GNG12: variants seen among roughly 807,000 people sequenced by gnomAD.
GNG12 encodes guanine nucleotide-binding protein G(I)/G(S)/G(O) subunit gamma-12.
For missense variants in GNG12, 69 were observed against 83.8 expected (o/e 0.82, Z 0.69); for synonymous variants, 28 against 29.7 (o/e 0.94, Z 0.19).
intron 2 of GNG12, among the ~76,000 whole-genome samples, chr1:67,717,039 C>CT (rs1394237815): frequency 6.6e-6 from 1 of 152,074 alleles, no homozygotes; most frequent in Non-Finnish European, 1.5e-5. Flanking sequence ...ACCTGGGGCA[C>CT]TTGTTTAAGA....
chr1:67,745,029 T>C (rs1440051578), intron 2 of GNG12, among the ~76,000 whole-genome samples: 2 of 152,186 alleles, frequency 1.3e-5, no homozygotes, highest in Admixed American at 6.5e-5. Flanking sequence ...CGAATAATAA[T>C]TGCACCTATC....
At chr1:67,720,318 T>C (rs1417321662) in intron 2 of GNG12, among the ~76,000 whole-genome samples, 19 of 152,346 alleles carry the variant, frequency 1.2e-4, no homozygotes, top group South Asian at 6.2e-4. Flanking sequence ...TGGGGACCCA[T>C]GAAGGAGTGG....
chr1:67,721,124 T>C (rs975079098), intron 2 of GNG12, among the ~76,000 whole-genome samples: 1 of 152,070 alleles, frequency 6.6e-6, no homozygotes, highest in African/African-American at 2.4e-5. Flanking sequence ...GTGGGAATGA[T>C]CAGGGAAGCA....
At chr1:67,819,981 C>A (rs887323965) in intron 1 of GNG12, among the ~76,000 whole-genome samples, 3 of 152,096 alleles carry the variant, frequency 2.0e-5, no homozygotes, top group East Asian at 1.9e-4. Flanking sequence ...ACAGCACTTA[C>A]CCCTTTCTGA....
intron 2 of GNG12, among the ~76,000 whole-genome samples, chr1:67,730,031 G>C (rs1646409644): frequency 6.6e-6 from 1 of 152,182 alleles, no homozygotes; most frequent in Non-Finnish European, 1.5e-5. Flanking sequence ...CCAGGTATTG[G>C]AATGTTCACA....
intron 1 of GNG12, among the ~76,000 whole-genome samples, chr1:67,820,200 C>A (rs1160567914): frequency 6.6e-6 from 1 of 151,904 alleles, no homozygotes; most frequent in African/African-American, 2.4e-5. Flanking sequence ...ACCAGCCTGA[C>A]CAATATGGTG....
chr1:67,723,122 T>G (rs1179849702), intron 2 of GNG12, among the ~76,000 whole-genome samples: 4 of 152,204 alleles, frequency 2.6e-5, no homozygotes. Context: ...GCAAAAAATT[T>G]TTTAAAAGCT....
At chr1:67,752,379 G>C (rs1038057215) in intron 2 of GNG12, among the ~76,000 whole-genome samples, 2 of 152,192 alleles carry the variant, frequency 1.3e-5, no homozygotes, top group African/African-American at 4.8e-5. Context: ...CAGACATTTT[G>C]AAAGTTTACT....
At chr1:67,722,629 C>T (rs1646362545) in intron 2 of GNG12, among the ~76,000 whole-genome samples, 2 of 152,024 alleles carry the variant, frequency 1.3e-5, no homozygotes, top group South Asian at 4.1e-4. Flanking sequence ...GGGAGAATTT[C>T]AAAACAGTTA....
At chr1:67,811,391 T>C (rs1646924455) in intron 1 of GNG12, among the ~76,000 whole-genome samples, 2 of 152,112 alleles carry the variant, frequency 1.3e-5, no homozygotes, top group South Asian at 2.1e-4. Flanking sequence ...GGTGGCACCA[T>C]TGACAGAATT....
At chr1:67,767,682 AAAT>A (rs1428259119) in intron 2 of GNG12, among the ~76,000 whole-genome samples, 1 of 152,220 alleles carries the variant, frequency 6.6e-6, no homozygotes, top group Non-Finnish European at 1.5e-5. Flanking sequence ...GTCCTTGTAA[AAAT>A]AATACACAAT....
intron 2 of GNG12, among the ~76,000 whole-genome samples, chr1:67,728,585 T>C (rs1412522457): frequency 1.3e-5 from 2 of 152,216 alleles, no homozygotes; most frequent in East Asian, 3.9e-4. Flanking sequence ...GGGTGAACCT[T>C]AGAGGTGGCA....
intron 1 of GNG12, among the ~76,000 whole-genome samples, chr1:67,806,180 A>C (rs967565789): frequency 2.0e-5 from 3 of 152,130 alleles, no homozygotes; most frequent in Admixed American, 6.6e-5. Context: ...TATAGGTCAG[A>C]AACTCAGATC....
chr1:67,821,899 C>T (rs912268082), intron 1 of GNG12, among the ~76,000 whole-genome samples: 8 of 151,482 alleles, frequency 5.3e-5, no homozygotes, highest in African/African-American at 1.5e-4. Flanking sequence ...GTTTTGCAAA[C>T]GGGAAAACAG....
intron 2 of GNG12, among the ~76,000 whole-genome samples, chr1:67,748,126 G>A (rs1255571723): frequency 6.6e-6 from 1 of 152,194 alleles, no homozygotes; most frequent in Non-Finnish European, 1.5e-5. Flanking sequence ...GGAGAGAAAG[G>A]CAGAGGGCAG....
intron 2 of GNG12, among the ~76,000 whole-genome samples, chr1:67,741,408 C>T (rs554116318): frequency 1.6e-4 from 25 of 152,284 alleles, no homozygotes; most frequent in Non-Finnish European, 3.4e-4. Flanking sequence ...AATGCACTGA[C>T]CCTGGAAGAA....
Position 67,811,709 on chromosome 1 carries a change from G to T in GNG12, c.-77+21635C>A, listed in dbSNP as rs181626241. Among the ~76,000 whole-genome samples the T allele has an allele frequency of 3.5e-4, 54 of 152,272 alleles. No homozygotes were observed. The Middle Eastern group carries it at 0.01, about 29-fold the overall frequency. ...GTACCCTATTCACATCAGGTCAAAA[G>T]ACCTACTTACTCTGTGGTGTCAAAA... is the stretch of plus-strand genomic sequence containing the variant. On this transcript the variant is annotated intron_variant, in intron 1 of 3. Coordinates refer to ENST00000370982, the MANE Select transcript of GNG12 (RefSeq NM_018841.6).
chr1:67,763,154 T>G (rs1646616673), intron 2 of GNG12, among the ~76,000 whole-genome samples: 1 of 148,590 alleles, frequency 6.7e-6, no homozygotes, highest in African/African-American at 2.5e-5. Context: ...AATATTTCAG[T>G]GTATACTTCC....
intron 1 of GNG12, among the ~76,000 whole-genome samples, chr1:67,803,365 A>AT (rs1325095287): frequency 6.6e-6 from 1 of 152,056 alleles, no homozygotes; most frequent in Non-Finnish European, 1.5e-5. Context: ...TAAAAAAAAA[A>AT]TTTTTTTTAA....
Sources: gnomAD v4.1 joint callset for allele counts (sites outside exome capture counted in the v4.1 genomes callset) on GRCh38, gnomAD v4.1.1 for gene constraint, MANE v1.5 for transcripts, NCBI Gene and HGNC (gene_info 2026-07-23, HGNC 2026-07-21) for gene names.